TPI1: variants seen among roughly 807,000 people sequenced by gnomAD.
The protein encoded by TPI1 is triosephosphate isomerase 1.
Under a neutral mutation model 31.0 loss-of-function variants are expected in TPI1, and 11 were observed. The observed-to-expected ratio is 0.36, with a 90% CI of 0.22 to 0.59. The LOEUF (loss-of-function observed/expected upper bound fraction) is 0.59, where lower values mean the gene tolerates loss of function less well. Ranked by LOEUF, TPI1 falls within the 20% of genes least tolerant of loss-of-function variation. TPI1 has a pLI of 0.79. For missense variants in TPI1, 245 were observed against 319.7 expected, an observed-to-expected ratio of 0.77 and a Z score of 1.78; for synonymous variants, 121 against 122.8, an observed-to-expected ratio of 0.99 and a Z score of 0.10.
Position 6,869,777 on chromosome 12 carries a change from A to G in TPI1, c.543+4A>G. ...CAAGACTGCAACACCCCAACAGGTA[A>G]CCGGGCCCAGGAGCCCTGCCCTCAT... On this transcript the variant is annotated splice_donor_region_variant and intron_variant, in intron 5 of 6. Coordinates refer to ENST00000396705, the MANE Select transcript of TPI1 (RefSeq NM_000365.6). The G allele has an allele frequency of 6.2e-7, 1 of 1,614,144 alleles. No individual in the cohort carries two copies. The highest frequency in any genetic ancestry group is 8.5e-7 in the Non-Finnish European group (1 of 1,180,002).
chr12:6,867,985 G>C, intron 1 of TPI1: 1 of 1,041,342 alleles, frequency 9.6e-7, no homozygotes, highest in Non-Finnish European at 1.3e-6. Flanking sequence ...GCCAGGCGAC[G>C]GGGTTAGGAG....
chr12:6,867,502 A>G (rs1386262216), upstream of TPI1: 7 of 1,575,364 alleles, frequency 4.4e-6, no homozygotes, highest in Non-Finnish European at 6.0e-6. Flanking sequence ...GCGGCGCTCT[A>G]TATAAGTGGG....
Position 6,869,232 on chromosome 12 carries a change from G to A in TPI1, c.325-26G>A, listed in dbSNP as rs782753293. On this transcript the variant is annotated intron_variant, in intron 3 of 6. Coordinates refer to ENST00000396705, the MANE Select transcript of TPI1 (RefSeq NM_000365.6). Reference sequence around the variant, plus strand: ...AGGGATGTCTTTTTCCAAGAAGGATGTCTCACCAAGTCTGTTTCTCAACAG... The same window carrying A: ...AGGGATGTCTTTTTCCAAGAAGGATATCTCACCAAGTCTGTTTCTCAACAG... 361 of 1,614,148 alleles carry A rather than the reference G, an allele frequency of 2.2e-4. 4 individuals are homozygous for A. The South Asian group carries it at 3.7e-3, about 17-fold the overall frequency.
At chr12:6,869,479 C>T in intron 4 of TPI1, 89 bp downstream of exon 4, 1 of 1,593,462 alleles carries the variant, frequency 6.3e-7, no homozygotes. Context: ...TCTTGGTCCC[C>T]ATGCTGATCC....
At position 6,869,679 on chromosome 12, in the gene TPI1, G is replaced by C. The variant is rs782568441; in HGVS notation, c.458-9G>C. The stretch of plus-strand genomic sequence containing the variant: ...CACCCTTCCCTCCATCTGTATCTCT[G>C]CCCTGCAGATAACGTGAAGGACTGG... On this transcript the variant is annotated splice_polypyrimidine_tract_variant and intron_variant, in intron 4 of 6. Transcript: ENST00000396705. 4 of 1,613,952 alleles carry C rather than the reference G, an allele frequency of 2.5e-6. No individual in the cohort carries two copies. The highest frequency in any genetic ancestry group is 3.4e-6 in the Non-Finnish European group (4 of 1,180,012).
upstream of TPI1, chr12:6,867,467 C>T: frequency 2.6e-6 from 4 of 1,524,660 alleles, no homozygotes; most frequent in African/African-American, 1.4e-5. Flanking sequence ...TGGCGGAGGA[C>T]GGCGAGGAGG....
At chr12:6,868,238 A>T (rs2138089803) in intron 1 of TPI1, 10 of 1,287,656 alleles carry the variant, frequency 7.8e-6, no homozygotes, top group Non-Finnish European at 1.0e-5. Flanking sequence ...CGTGCCAAAC[A>T]GGCTGAGCGA....
chr12:6,868,777 T>TG, intron 1 of TPI1, 87 bp from the exon 2 acceptor site: 2 of 1,539,204 alleles, frequency 1.3e-6, no homozygotes. Context: ...GGGTGAGGGC[T>TG]GGGGGGCTCC....
At chr12:6,870,172 G>T (rs782174861) in intron 6 of TPI1, 36 bp downstream of exon 6, 1 of 1,605,070 alleles carries the variant, frequency 6.2e-7, no homozygotes, top group South Asian at 1.1e-5. Flanking sequence ...GGTGGAGTGG[G>T]CTGAGGACTA....
chr12:6,869,607 C>A (rs1944539418), intron 4 of TPI1, 81 bp from the exon 5 acceptor site: 1 of 1,547,116 alleles, frequency 6.5e-7, no homozygotes, highest in African/African-American at 1.4e-5. Context: ...CAGTAGGCCA[C>A]CGTTCTTCGT....
At chr12:6,868,211 A>C (rs1555131822) in intron 1 of TPI1, 1 of 1,287,754 alleles carries the variant, frequency 7.8e-7, no homozygotes, top group East Asian at 5.6e-5. Context: ...CCCGCCTTCC[A>C]CGGAAGGGAC....
chr12:6,867,768 CCCGA>C, intron 1 of TPI1, 87 bp downstream of exon 1: 1 of 1,363,644 alleles, frequency 7.3e-7, no homozygotes, highest in Non-Finnish European at 9.7e-7. Flanking sequence ...GCCCCGAGGC[CCCGA>C]GGCCGGTATC....
intron 1 of TPI1, chr12:6,868,346 G>A (rs1221684073): frequency 1.6e-6 from 2 of 1,287,880 alleles, no homozygotes; most frequent in South Asian, 1.2e-5. Context: ...CACGGGCAAA[G>A]GATGCTCTCC....
chr12:6,868,576 C>T, intron 1 of TPI1: 2 of 1,322,776 alleles, frequency 1.5e-6, no homozygotes, highest in Non-Finnish European at 2.0e-6. Flanking sequence ...CTGTGAGGTG[C>T]CTATGCCGAG....
chr12:6,869,078 T>C, intron 2 of TPI1, 21 bp from the exon 3 acceptor site: 1 of 1,614,174 alleles, frequency 6.2e-7, no homozygotes, highest in Non-Finnish European at 8.5e-7. Flanking sequence ...TGCTGAACCT[T>C]GGCTTCATCT....
chr12:6,870,042 G>T lies in TPI1; in HGVS notation c.544-7G>T. 1 of 1,609,486 alleles carries T rather than the reference G, an allele frequency of 6.2e-7. No homozygotes were observed. The highest frequency in any genetic ancestry group is 1.1e-5 in the South Asian group (1 of 91,060). ...AAGGTCTTACTTAGGCCAGCTTCTT[G>T]TTCTAGGCCCAGGAAGTACACGAGA... On this transcript the variant is annotated splice_region_variant and splice_polypyrimidine_tract_variant and intron_variant, in intron 5 of 6. Coordinates refer to ENST00000396705, the MANE Select transcript of TPI1 (RefSeq NM_000365.6).
chr12:6,868,834 C>T, intron 1 of TPI1, 30 bp from the exon 2 acceptor site: 1 of 1,605,038 alleles, frequency 6.2e-7, no homozygotes, highest in African/African-American at 1.3e-5. Context: ...TCTTTAGTCT[C>T]ATCCCCCTGT....
In TPI1 at chr12:6,869,168, T is replaced by C. The variant is rs11548749; in HGVS notation, c.309T>C (p.Phe103=). The change falls in exon 3 of 7, where the codon TTT becomes TTC. Residue 103 remains phenylalanine, a synonymous_variant. Transcript: ENST00000396705. ...GGCACTCAGAGAGAAGGCATGTCTT[T>C]GGGGAGTCAGATGAGGTTAGTAGCC... ...VLGHSERRHV[F]GESDELIGQK... 1.2e-6 allele frequency: 2 copies of C among 1,614,136 alleles called. No homozygotes were observed. The highest frequency in any genetic ancestry group is 2.7e-5 in the African/African-American group (2 of 75,026).
chr12:6,868,829 A>G (rs1555132007), intron 1 of TPI1, 35 bp from the exon 2 acceptor site: 1 of 1,601,822 alleles, frequency 6.2e-7, no homozygotes. Context: ...GGCTTTCTTT[A>G]GTCTCATCCC....
Sources: gnomAD v4.1 joint callset for allele counts on GRCh38, gnomAD v4.1.1 for gene constraint, MANE v1.5 for transcripts, NCBI Gene and HGNC (gene_info 2026-07-23, HGNC 2026-07-21) for gene names.